Variants in ZSWIM6 observed in about 807,000 individuals in gnomAD.
The protein encoded by ZSWIM6 is zinc finger SWIM domain-containing protein 6.
A neutral mutation model predicts 113.2 loss-of-function variants in ZSWIM6; 9 were observed. The ratio of observed to expected loss-of-function variants is 0.08; its 90% CI spans 0.05 to 0.14. The LOEUF (loss-of-function observed/expected upper bound fraction) is 0.14. Among genes scored for constraint, ZSWIM6 ranks in the 10% least tolerant of loss-of-function variants. ZSWIM6 has a pLI of 1.00. For synonymous variants in ZSWIM6, 611 were observed against 606.5 expected (o/e 1.01, Z -0.11); for missense variants, 1,162 against 1,552.2 (o/e 0.75, Z 4.22).
chr5:61,401,039 T>C (rs1745930267), intron 1 of ZSWIM6, among the ~76,000 whole-genome samples: 1 of 152,228 alleles, frequency 6.6e-6, no homozygotes, highest in Non-Finnish European at 1.5e-5. Context: ...AATTCTGTAT[T>C]TGTTTTTATG....
chr5:61,379,185 GAAAA>G (rs1211778480), intron 1 of ZSWIM6, among the ~76,000 whole-genome samples: 1 of 38,572 alleles, frequency 2.6e-5, no homozygotes, highest in Non-Finnish European at 4.9e-5. Context: ...TCCTGTCTCT[GAAAA>G]AAAAAAAAAA....
chr5:61,387,727 T>C (rs1353261432), intron 1 of ZSWIM6, among the ~76,000 whole-genome samples: 1 of 151,960 alleles, frequency 6.6e-6, no homozygotes, highest in African/African-American at 2.4e-5. Context: ...GGTAACATGG[T>C]AAAACCCTGT....
intron 1 of ZSWIM6, among the ~76,000 whole-genome samples, chr5:61,463,590 G>A (rs1036988718): frequency 6.6e-6 from 1 of 152,176 alleles, no homozygotes; most frequent in Non-Finnish European, 1.5e-5. Flanking sequence ...AAGAGTGTGT[G>A]TGTGTTCTTT....
At chr5:61,342,853 A>C (rs971991230) in intron 1 of ZSWIM6, among the ~76,000 whole-genome samples, 1 of 152,120 alleles carries the variant, frequency 6.6e-6, no homozygotes, top group African/African-American at 2.4e-5. Context: ...TTGTTACGCA[A>C]ATAATCTCCA....
At chr5:61,423,413 A>G (rs1476779719) in intron 1 of ZSWIM6, among the ~76,000 whole-genome samples, 1 of 151,068 alleles carries the variant, frequency 6.6e-6, no homozygotes, top group Non-Finnish European at 1.5e-5. Flanking sequence ...CATCTCAAAA[A>G]AAAAACACAA....
At position 61,494,203 on chromosome 5, in the gene ZSWIM6, G is replaced by A. The variant is rs1026679756; in HGVS notation, c.1183-57G>A. ...TGGTTTGTCTCTTGTGTTGCTGTGG[G>A]GTTTTGTTGTGTTTTCGTTTTGAAC... On this transcript the variant is annotated intron_variant, in intron 3 of 13. Coordinates refer to ENST00000252744, the MANE Select transcript of ZSWIM6 (RefSeq NM_020928.2). 2.6e-6 allele frequency: 4 copies of A among 1,523,198 alleles called. No homozygotes were observed. In the African/African-American group the frequency reaches 4.1e-5, roughly 16 times the overall value. The allele number at this position is 1,523,198 out of a possible 1,614,324, so 94.4% of individuals were successfully genotyped here. A position where few individuals can be genotyped will look rare whatever the true frequency, so the allele number is the denominator to read the frequency against.
At chr5:61,343,280 G>A (rs1489373263) in intron 1 of ZSWIM6, among the ~76,000 whole-genome samples, 1 of 152,148 alleles carries the variant, frequency 6.6e-6, no homozygotes, top group Admixed American at 6.5e-5. Context: ...CTCATTGAGT[G>A]AATTAATGTG....
chr5:61,374,490 A>G (rs1745327214), intron 1 of ZSWIM6, among the ~76,000 whole-genome samples: 1 of 152,188 alleles, frequency 6.6e-6, no homozygotes, highest in Admixed American at 6.5e-5. Context: ...TGAATGCTCT[A>G]GTTGAGCCAT....
chr5:61,343,576 G>T (rs1744592203), intron 1 of ZSWIM6, among the ~76,000 whole-genome samples: 1 of 152,250 alleles, frequency 6.6e-6, no homozygotes, highest in Non-Finnish European at 1.5e-5. Context: ...TAGGGATTCT[G>T]TAATTTAGGT....
chr5:61,456,433 C>T (rs1292321479), intron 1 of ZSWIM6, among the ~76,000 whole-genome samples: 2 of 151,824 alleles, frequency 1.3e-5, no homozygotes, highest in Non-Finnish European at 2.9e-5. Flanking sequence ...CCTAATAGAC[C>T]GGCAGAGGTG....
At chr5:61,366,958 AAT>A (rs1490909251) in intron 1 of ZSWIM6, among the ~76,000 whole-genome samples, 1 of 151,770 alleles carries the variant, frequency 6.6e-6, no homozygotes, top group African/African-American at 2.4e-5. Context: ...CACAGAAGGC[AAT>A]GCCTTATATA....
intron 4 of ZSWIM6, among the ~76,000 whole-genome samples, chr5:61,506,165 G>A (rs946841224): frequency 4.6e-5 from 7 of 152,078 alleles, no homozygotes; most frequent in Admixed American, 6.6e-5. Context: ...ATGCTTGACC[G>A]GAGCAATCTC....
At chr5:61,477,017 C>T (rs1197489933) in intron 2 of ZSWIM6, among the ~76,000 whole-genome samples, 1 of 152,158 alleles carries the variant, frequency 6.6e-6, no homozygotes, top group East Asian at 1.9e-4. Context: ...GGGGTATCCA[C>T]AAGTACTCAT....
intron 4 of ZSWIM6, among the ~76,000 whole-genome samples, chr5:61,504,525 C>T: frequency 6.6e-6 from 1 of 152,278 alleles, no homozygotes; most frequent in Admixed American, 6.5e-5. Flanking sequence ...TTCTGAACTC[C>T]ACAGAAAAGT....
At chr5:61,471,733 A>C (rs910956230) in intron 1 of ZSWIM6, among the ~76,000 whole-genome samples, 5 of 152,214 alleles carry the variant, frequency 3.3e-5, no homozygotes, top group African/African-American at 1.2e-4. Flanking sequence ...CTGAGGTGGA[A>C]CAGTAGAACA....
intron 1 of ZSWIM6, among the ~76,000 whole-genome samples, chr5:61,445,487 A>G (rs1746931141): frequency 6.6e-6 from 1 of 152,228 alleles, no homozygotes; most frequent in Non-Finnish European, 1.5e-5. Flanking sequence ...GAGTCCCAAC[A>G]GTGATAAAAC....
intron 4 of ZSWIM6, among the ~76,000 whole-genome samples, chr5:61,496,559 A>G (rs1015034344): frequency 6.6e-6 from 1 of 152,140 alleles, no homozygotes; most frequent in Admixed American, 6.6e-5. Context: ...GATGCCAGAC[A>G]TTGAGAAGAG....
At chr5:61,505,692 C>T (rs1748594903) in intron 4 of ZSWIM6, among the ~76,000 whole-genome samples, 1 of 115,490 alleles carries the variant, frequency 8.7e-6, no homozygotes, top group Non-Finnish European at 1.9e-5. Flanking sequence ...GCCTCCCTCC[C>T]TCCCTTCCTT....
chr5:61,345,958 T>C (rs1745939653), intron 1 of ZSWIM6, among the ~76,000 whole-genome samples: 1 of 152,214 alleles, frequency 6.6e-6, no homozygotes, highest in African/African-American at 2.4e-5. Context: ...TTACATCTTT[T>C]TGTTGAAACA....
Sources: gnomAD v4.1 joint callset for allele counts (sites outside exome capture counted in the v4.1 genomes callset) on GRCh38, gnomAD v4.1.1 for gene constraint, MANE v1.5 for transcripts, NCBI Gene and HGNC (gene_info 2026-07-23, HGNC 2026-07-21) for gene names.